Variants in BMAL1 observed in about 807,000 individuals in gnomAD.
BMAL1 encodes basic helix-loop-helix ARNT like 1.
the BMAL1 span, among the ~76,000 whole-genome samples, chr11:13,288,427 T>TCTTTCTTTTTTTTC: frequency 1.5e-5 from 1 of 66,116 alleles, no homozygotes; most frequent in Non-Finnish European, 3.3e-5. Flanking sequence ...TTTTTTTCTT[T>TCTTTCTTTTTTTTC]TTTTTTTTTT....
chr11:13,353,777 G>C, the BMAL1 span, among the ~76,000 whole-genome samples: 1 of 152,196 alleles, frequency 6.6e-6, no homozygotes, highest in Non-Finnish European at 1.5e-5. Context: ...AGTGAGCTGA[G>C]ATTGCACCAC....
the BMAL1 span, among the ~76,000 whole-genome samples, chr11:13,343,131 G>T: frequency 6.6e-6 from 1 of 152,146 alleles, no homozygotes; most frequent in Non-Finnish European, 1.5e-5. Context: ...TAAATGTTGT[G>T]CCCAACATCA....
At chr11:13,314,292 T>A in the BMAL1 span, among the ~76,000 whole-genome samples, 1 of 137,506 alleles carries the variant, frequency 7.3e-6, no homozygotes, top group Non-Finnish European at 1.6e-5. Context: ...CTCTCTCTGT[T>A]CCAAGTGCCA....
chr11:13,356,414 C>T, the BMAL1 span: 1 of 544,410 alleles, frequency 1.8e-6, no homozygotes, highest in Non-Finnish European at 3.4e-6. Context: ...TATTTCAATC[C>T]TATGGTTAAC....
chr11:13,314,057 C>G, the BMAL1 span, among the ~76,000 whole-genome samples: 1 of 152,156 alleles, frequency 6.6e-6, no homozygotes, highest in Admixed American at 6.5e-5. Flanking sequence ...CAGTTTCCCC[C>G]AAATCTTCAG....
At chr11:13,385,782 T>G in the BMAL1 span, 2 of 1,610,624 alleles carry the variant, frequency 1.2e-6, no homozygotes, top group Non-Finnish European at 1.7e-6. Flanking sequence ...TGATAGTTCT[T>G]CTATTCTTGG....
the BMAL1 span, among the ~76,000 whole-genome samples, chr11:13,278,123 C>G: frequency 6.6e-6 from 1 of 152,080 alleles, no homozygotes; most frequent in African/African-American, 2.4e-5. Flanking sequence ...GGGGAGGCTG[C>G]GCCCCTTAAA....
the BMAL1 span, chr11:13,378,381 G>A: frequency 6.2e-7 from 1 of 1,613,280 alleles, no homozygotes; most frequent in Non-Finnish European, 8.5e-7. Context: ...GATTCCAGGG[G>A]GAACCCGGGC....
the BMAL1 span, among the ~76,000 whole-genome samples, chr11:13,328,413 C>T: frequency 3.3e-5 from 5 of 152,224 alleles, no homozygotes; most frequent in Admixed American, 1.3e-4. Flanking sequence ...TTTAACTCTT[C>T]GACCTCAGAC....
chr11:13,328,653 C>T, the BMAL1 span, among the ~76,000 whole-genome samples: 2 of 152,192 alleles, frequency 1.3e-5, no homozygotes, highest in Non-Finnish European at 2.9e-5. Flanking sequence ...GGAAATGGAA[C>T]TTGGATTTTG....
the BMAL1 span, chr11:13,357,049 C>G: frequency 6.2e-7 from 1 of 1,614,050 alleles, no homozygotes. This position sits in a 1 kb window ranked among gnomAD's most constrained non-coding sequence, Gnocchi z 4.8. Context: ...TTTTTCCTCC[C>G]CCCAGGTTAG....
chr11:13,320,052 C>T, the BMAL1 span, among the ~76,000 whole-genome samples: 1 of 152,236 alleles, frequency 6.6e-6, no homozygotes, highest in African/African-American at 2.4e-5. Flanking sequence ...GGAGTGCTAA[C>T]ATTTAGGCTC....
chr11:13,315,629 C>A, the BMAL1 span, among the ~76,000 whole-genome samples: 1 of 152,206 alleles, frequency 6.6e-6, no homozygotes, highest in Admixed American at 6.5e-5. Context: ...GTTCCCTCTG[C>A]TCCAAGTCCT....
chr11:13,344,756 G>A, the BMAL1 span, among the ~76,000 whole-genome samples: 1 of 152,180 alleles, frequency 6.6e-6, no homozygotes, highest in East Asian at 1.9e-4. Flanking sequence ...CTGCTCAGAG[G>A]CACCACCCTC....
At chr11:13,366,655 A>G in the BMAL1 span, 32 of 1,603,064 alleles carry the variant, frequency 2.0e-5, no homozygotes, top group Admixed American at 3.4e-5. Context: ...TTAACATTTC[A>G]TCTCCCCAGA....
the BMAL1 span, chr11:13,379,852 A>C: frequency 1.3e-5 from 2 of 152,208 alleles, no homozygotes; most frequent in South Asian, 4.1e-4. Context: ...GCGATTAAGA[A>C]ACACAAGAAA....
At chr11:13,383,686 T>TA in the BMAL1 span, among the ~76,000 whole-genome samples, 12 of 139,348 alleles carry the variant, frequency 8.6e-5, no homozygotes, top group Admixed American at 1.5e-4. Context: ...CCATCTCTAC[T>TA]AAAAAATACA....
chr11:13,362,933 G>C, the BMAL1 span, among the ~76,000 whole-genome samples: 2 of 151,692 alleles, frequency 1.3e-5, no homozygotes, highest in African/African-American at 2.4e-5. Flanking sequence ...TTCCCATACT[G>C]GTAACAGATC....
At chr11:13,359,770 T>G in the BMAL1 span, among the ~76,000 whole-genome samples, 1 of 152,242 alleles carries the variant, frequency 6.6e-6, no homozygotes, top group South Asian at 2.1e-4. Flanking sequence ...AACCTAAGTC[T>G]TGTCCCCTTT....
Sources: allele counts gnomAD v4.1 joint callset (sites outside exome capture counted in the v4.1 genomes callset), GRCh38; gene constraint gnomAD v4.1.1; non-coding constraint Gnocchi (gnomAD v3.1); transcripts MANE v1.5; gene names NCBI Gene and HGNC (gene_info 2026-07-23, HGNC 2026-07-21).